The following IL7 variants were observed in gnomAD, a reference collection of about 807,000 sequenced individuals.
IL7 encodes the protein interleukin-7.
Under a neutral mutation model 21.6 loss-of-function variants are expected in IL7, and 3 were observed. The ratio of observed to expected loss-of-function variants is 0.14; its 90% confidence interval spans 0.06 to 0.36. IL7 has a LOEUF of 0.36. IL7 is among the 10% of genes least tolerant of loss of function. IL7 has a pLI of 1.00. For missense variants in IL7, 175 were observed against 200.2 expected (o/e 0.87, Z 0.76); for synonymous variants, 62 against 68.1 (o/e 0.91, Z 0.44).
chr8:78,705,165 G>A (rs991178431), intron 3 of IL7, among the ~76,000 whole-genome samples: 4 of 152,204 alleles, frequency 2.6e-5, no homozygotes, highest in African/African-American at 4.8e-5. Context: ...TGTTGGAGAG[G>A]TGATGCGGTC....
At position 78,740,233 on chromosome 8, in the gene IL7, G is replaced by A. The variant is rs528419473; in HGVS notation, c.148-151C>T. On this transcript the variant is annotated intron_variant, in intron 2 of 5. Coordinates refer to ENST00000263851, the MANE Select transcript of IL7 (RefSeq NM_000880.4). ...GCCTGGCTCAGCTGACTAAGCATGA[G>A]GAATCATTTTCTATAGTTGAAGGAT... 6.1e-5 allele frequency: 23 copies of A among 378,962 alleles called. No individual in the cohort carries two copies. In the South Asian group the frequency reaches 2.4e-3, roughly 39 times the overall value. The allele number at this position is 378,962 out of a possible 1,614,324, so 23.5% of individuals were successfully genotyped here.
In IL7 at chr8:78,783,850, AAAGCAGCCAAG is replaced by A. The variant is rs1211219623; in HGVS notation, c.147+14211_147+14221del. 3.9e-5 allele frequency among the ~76,000 whole-genome samples: 6 copies of A among 152,302 alleles called. No individual in the cohort carries two copies. The East Asian group carries it at 1.2e-3, about 29-fold the overall frequency. On this transcript the variant is annotated intron_variant, in intron 2 of 5. Transcript: ENST00000263851. ...GATTTATTAAAGAAATATGTAAAGC[AAAGCAGCCAAG>A]TATGATAAACCAAACTGTCAGAAGA...
In IL7 at chr8:78,760,442, A is replaced by G. The variant is rs1812513666; in HGVS notation, c.148-20360T>C. On this transcript the variant is annotated intron_variant, in intron 2 of 5. Coordinates refer to ENST00000263851, the MANE Select transcript of IL7 (RefSeq NM_000880.4). The stretch of plus-strand genomic sequence containing the variant: ...GTCAGGCAGTTGGAGGGCTTCATAG[A>G]TGGTGGACGGAAGCTCTATATCTTT... The G allele has an allele frequency of 7.0e-6, 11 of 1,578,610 alleles. No individual in the cohort carries two copies. In the South Asian group the frequency reaches 7.1e-5, roughly 10 times the overall value.
chr8:78,705,100 C>G (rs1309756431), intron 3 of IL7, among the ~76,000 whole-genome samples: 1 of 152,208 alleles, frequency 6.6e-6, no homozygotes, highest in East Asian at 1.9e-4. Flanking sequence ...CTGCTTCTTT[C>G]ATTTCAGCTG....
intron 1 of IL7, among the ~76,000 whole-genome samples, chr8:78,800,790 T>C (rs1814029894): frequency 1.3e-5 from 2 of 152,232 alleles, no homozygotes; most frequent in African/African-American, 2.4e-5. Context: ...GGAAAAATTA[T>C]ATAACATATA....
intron 2 of IL7, among the ~76,000 whole-genome samples, chr8:78,794,875 G>A (rs1310437853): frequency 2.6e-5 from 4 of 151,910 alleles, no homozygotes; most frequent in African/African-American, 4.8e-5. Flanking sequence ...TCTGTACTTG[G>A]TCCATCATTC....
At chr8:78,679,058 C>T (rs1809676708) in intron 4 of IL7, 1 of 153,552 alleles carries the variant, frequency 6.5e-6, no homozygotes, top group Non-Finnish European at 1.4e-5. Context: ...ATAATCTCTA[C>T]ATCCAAAAAG....
intron 2 of IL7, among the ~76,000 whole-genome samples, chr8:78,763,669 AT>A (rs1812653086): frequency 6.6e-6 from 1 of 152,226 alleles, no homozygotes; most frequent in Admixed American, 6.5e-5. Context: ...ATTCAAGAAA[AT>A]AAATAAAAAA....
At chr8:78,685,468 A>C (rs532448491) in intron 4 of IL7, among the ~76,000 whole-genome samples, 1 of 152,330 alleles carries the variant, frequency 6.6e-6, no homozygotes, top group East Asian at 1.9e-4. Flanking sequence ...TAATTAAAAC[A>C]TAATTATGCA....
intron 3 of IL7, among the ~76,000 whole-genome samples, chr8:78,691,705 A>G (rs1001952888): frequency 3.3e-5 from 5 of 151,906 alleles, no homozygotes; most frequent in African/African-American, 1.2e-4. Flanking sequence ...TCTAGCTGTA[A>G]TTCTTTGCAT....
At chr8:78,787,045 C>G (rs903500791) in intron 2 of IL7, among the ~76,000 whole-genome samples, 1 of 152,184 alleles carries the variant, frequency 6.6e-6, no homozygotes, top group African/African-American at 2.4e-5. Flanking sequence ...CAAGAAAGCT[C>G]CAGACCTGTT....
At chr8:78,737,649 A>G (rs1435036672) in intron 4 of IL7, among the ~76,000 whole-genome samples, 1 of 152,150 alleles carries the variant, frequency 6.6e-6, no homozygotes, top group Non-Finnish European at 1.5e-5. Flanking sequence ...GGATTCAAAG[A>G]TAATCTTACC....
intron 2 of IL7, chr8:78,762,435 C>G: frequency 6.4e-7 from 1 of 1,571,612 alleles, no homozygotes; most frequent in Non-Finnish European, 8.6e-7. Context: ...TCGGCATCGT[C>G]GCCCGCCCGC....
At chr8:78,717,310 G>A, downstream of IL7, 5 of 1,598,016 alleles carry the variant, frequency 3.1e-6, no homozygotes, top group African/African-American at 1.3e-5. Flanking sequence ...TCTTTTCATT[G>A]TTTCTTTACT....
chr8:78,793,181 A>G (rs1181243759), intron 2 of IL7, among the ~76,000 whole-genome samples: 2 of 152,178 alleles, frequency 1.3e-5, no homozygotes, highest in Non-Finnish European at 2.9e-5. Context: ...AATGTCCAGA[A>G]TAGGCAAATT....
In IL7 at chr8:78,771,798, G is replaced by A. The variant is rs560759766; in HGVS notation, c.147+26274C>T. Among the ~76,000 whole-genome samples, 38 of 152,130 alleles carry A rather than the reference G, an allele frequency of 2.5e-4. No homozygotes were observed. In the South Asian group the frequency reaches 5.4e-3, roughly 22 times the overall value. On this transcript the variant is annotated intron_variant, in intron 2 of 5. Coordinates refer to ENST00000263851, the MANE Select transcript of IL7 (RefSeq NM_000880.4). The stretch of plus-strand genomic sequence containing the variant: ...AAAAACTAATACCCTGTGCCAGGCC[G>A]CTCTAAAAACTGCCCCCCTTTCTGT...
chr8:78,755,437 A>G (rs1370183354), intron 2 of IL7, among the ~76,000 whole-genome samples: 1 of 152,096 alleles, frequency 6.6e-6, no homozygotes, highest in Non-Finnish European at 1.5e-5. Context: ...TTTTAACAAT[A>G]TTAATTTTTC....
At chr8:78,730,476 A>T (rs1017785622), downstream of IL7, among the ~76,000 whole-genome samples, 1 of 151,994 alleles carries the variant, frequency 6.6e-6, no homozygotes, top group Non-Finnish European at 1.5e-5. Flanking sequence ...AAATTTAGAA[A>T]TCAAAGAAAA....
At chr8:78,728,255 T>C (rs554208835), downstream of IL7, among the ~76,000 whole-genome samples, 2 of 152,114 alleles carry the variant, frequency 1.3e-5, no homozygotes, top group Admixed American at 1.3e-4. Flanking sequence ...CAACAAGCTT[T>C]TTTTACTGAT....
Sources: allele counts gnomAD v4.1 joint callset (sites outside exome capture counted in the v4.1 genomes callset), GRCh38; gene constraint gnomAD v4.1.1; transcripts MANE v1.5; gene names NCBI Gene and HGNC (gene_info 2026-07-23, HGNC 2026-07-21).